The following DYM variants were observed in gnomAD, a reference collection of about 807,000 sequenced individuals.
DYM encodes dyggve-Melchior-Clausen syndrome protein.
In DYM, 78 loss-of-function variants were observed where a neutral mutation model predicts 93.1. That is an observed-to-expected ratio of 0.84 (90% CI 0.70 to 1.01). DYM has a LOEUF of 1.01. DYM is among the 50% of genes least tolerant of loss of function. The pLI, the probability that DYM is intolerant of heterozygous loss-of-function variation, is 0.00. For missense variants in DYM, 789 were observed against 845.0 expected, an observed-to-expected ratio of 0.93 and a Z score of 0.82; for synonymous variants, 321 against 319.7, an observed-to-expected ratio of 1.00 and a Z score of -0.04.
chr18:49,238,755 G>A (rs957753614), intron 13 of DYM, among the ~76,000 whole-genome samples: 3 of 149,846 alleles, frequency 2.0e-5, no homozygotes, highest in Admixed American at 6.7e-5. Flanking sequence ...CCATGCCATT[G>A]CACTCCAGCC....
chr18:49,254,323 T>C (rs867137548), intron 13 of DYM, among the ~76,000 whole-genome samples: 82 of 124,962 alleles, frequency 6.6e-4, no homozygotes, highest in African/African-American at 2.1e-3. Flanking sequence ...TATATATATA[T>C]ATACACACAT....
At chr18:49,404,030 T>C (rs2071163550) in intron 2 of DYM, among the ~76,000 whole-genome samples, 1 of 152,004 alleles carries the variant, frequency 6.6e-6, no homozygotes, top group South Asian at 2.1e-4. Flanking sequence ...TGTTTTGAGA[T>C]GGAGTCTCTT....
intron 6 of DYM, among the ~76,000 whole-genome samples, chr18:49,348,970 G>A (rs1045377404): frequency 3.3e-5 from 5 of 150,614 alleles, no homozygotes; most frequent in Admixed American, 2.0e-4. Flanking sequence ...CACTTTGGGA[G>A]GCCGAAGTGG....
intron 13 of DYM, among the ~76,000 whole-genome samples, chr18:49,217,988 G>C (rs538589015): frequency 4.6e-5 from 7 of 152,214 alleles, no homozygotes; most frequent in South Asian, 2.1e-4. Context: ...AGACCCATCA[G>C]TGTGCTGTAT....
chr18:49,383,684 A>G (rs1022226914), intron 3 of DYM, among the ~76,000 whole-genome samples: 2 of 152,250 alleles, frequency 1.3e-5, no homozygotes, highest in Non-Finnish European at 2.9e-5. Context: ...CCAACATTGT[A>G]TAAACCAGAT....
At chr18:49,384,977 C>T (rs1599821448) in intron 3 of DYM, among the ~76,000 whole-genome samples, 1 of 149,894 alleles carries the variant, frequency 6.7e-6, no homozygotes, top group Non-Finnish European at 1.5e-5. Context: ...AATCAAAACA[C>T]CTCATCAAAT....
chr18:49,135,293 G>A (rs1307754252), intron 15 of DYM, among the ~76,000 whole-genome samples: 2 of 152,148 alleles, frequency 1.3e-5, no homozygotes, highest in African/African-American at 2.4e-5. Flanking sequence ...CTACTACTCT[G>A]TGTATTAAAG....
intron 5 of DYM, among the ~76,000 whole-genome samples, chr18:49,373,604 A>T (rs1406319531): frequency 6.6e-6 from 1 of 152,070 alleles, no homozygotes; most frequent in Non-Finnish European, 1.5e-5. Flanking sequence ...TTCCTATCTC[A>T]TTCTGTGACT....
At chr18:49,130,846 AG>A (rs1428516170) in intron 15 of DYM, among the ~76,000 whole-genome samples, 1 of 152,110 alleles carries the variant, frequency 6.6e-6, no homozygotes, top group Non-Finnish European at 1.5e-5. Flanking sequence ...CACTTGGAAT[AG>A]GGTTGGGGGT....
intron 13 of DYM, among the ~76,000 whole-genome samples, chr18:49,254,905 C>T (rs895579037): frequency 2.6e-5 from 4 of 152,122 alleles, no homozygotes; most frequent in African/African-American, 4.8e-5. Flanking sequence ...CTCCTGGAAA[C>T]TAAAGGCTCT....
intron 1 of DYM, among the ~76,000 whole-genome samples, chr18:49,442,051 C>A (rs1346634784): frequency 3.3e-5 from 5 of 152,128 alleles, no homozygotes; most frequent in African/African-American, 1.2e-4. Context: ...GAATAGGAAC[C>A]TAGGGAAAAG....
At chr18:49,220,955 A>G (rs568214604) in intron 13 of DYM, among the ~76,000 whole-genome samples, 11 of 152,364 alleles carry the variant, frequency 7.2e-5, no homozygotes, top group African/African-American at 2.4e-4. Flanking sequence ...AACTACCATC[A>G]GAGTGAACAG....
chr18:49,084,439 G>A (rs1466164845), intron 17 of DYM, among the ~76,000 whole-genome samples: 3 of 152,048 alleles, frequency 2.0e-5, no homozygotes, highest in Admixed American at 2.0e-4. Flanking sequence ...GCTGCCATTG[G>A]GTAGAATGCT....
chr18:49,272,397 T>A, intron 10 of DYM, 94 bp from the exon 11 acceptor site: 1 of 858,128 alleles, frequency 1.2e-6, no homozygotes, highest in Non-Finnish European at 1.9e-6. Flanking sequence ...CTCTTTGCTT[T>A]AATATCAGTT....
intron 15 of DYM, among the ~76,000 whole-genome samples, chr18:49,132,163 T>C (rs2083435927): frequency 6.6e-6 from 1 of 152,116 alleles, no homozygotes; most frequent in East Asian, 1.9e-4. Context: ...TTTTTAGAGA[T>C]GCATACCAAA....
At chr18:49,092,567 A>C (rs1179964384) in intron 17 of DYM, among the ~76,000 whole-genome samples, 1 of 152,194 alleles carries the variant, frequency 6.6e-6, no homozygotes, top group Non-Finnish European at 1.5e-5. Flanking sequence ...TGTCTTACAC[A>C]CTTCTGTTTC....
intron 8 of DYM, among the ~76,000 whole-genome samples, chr18:49,289,404 T>TAAAAAAAAAAAAAAA (rs56240607): frequency 9.0e-5 from 3 of 33,508 alleles, no homozygotes; most frequent in Non-Finnish European, 1.9e-4. Flanking sequence ...TACAAATCAG[T>TAAAAAAAAAAAAAAA]AAAAAAAAAA....
At position 49,360,323 on chromosome 18, in the gene DYM, TA is replaced by T. The variant is rs1161704272; in HGVS notation, c.494+2837del. ...ACTAAATTCCTGGTATTGTGTTATA[TA>T]AAAAAAAAAAATATTTAGGGCTGAG... On this transcript the variant is annotated intron_variant, in intron 6 of 17. Coordinates refer to ENST00000675505, the MANE Select transcript of DYM (RefSeq NM_001353214.3). Among the ~76,000 whole-genome samples, 159 of 146,474 alleles carry T rather than the reference TA, an allele frequency of 1.1e-3. 1 individual carries two copies. Among genetic ancestry groups the T allele is most frequent in the African/African-American group, 1.7e-3 (69 of 39,946 alleles).
intron 8 of DYM, among the ~76,000 whole-genome samples, chr18:49,330,692 T>G (rs1180802416): frequency 1.3e-5 from 2 of 152,198 alleles, no homozygotes; most frequent in Admixed American, 1.3e-4. Flanking sequence ...TTTTAAATAC[T>G]TATACCAGTT....
Sources: allele counts gnomAD v4.1 joint callset (sites outside exome capture counted in the v4.1 genomes callset), GRCh38; gene constraint gnomAD v4.1.1; transcripts MANE v1.5; gene names NCBI Gene and HGNC (gene_info 2026-07-23, HGNC 2026-07-21).